The following ITPRID1 variants were observed in gnomAD, a reference collection of about 807,000 sequenced individuals.
ITPRID1 encodes ITPR interacting domain containing 1.
A neutral mutation model predicts 95.4 loss-of-function variants in ITPRID1; 96 were observed. The observed-to-expected ratio is 1.01, with a 90% CI of 0.85 to 1.19. The LOEUF (loss-of-function observed/expected upper bound fraction) is 1.19, where lower values mean the gene tolerates loss of function less well. ITPRID1 is among the 50% of genes most tolerant of loss of function. The probability of loss-of-function intolerance (pLI) is 0.00; values close to 1 mark genes in which losing one functional copy is unlikely to be tolerated. For synonymous variants in ITPRID1, 510 were observed against 453.6 expected (o/e 1.12, Z -1.58); for missense variants, 1,339 against 1,252.9 (o/e 1.07, Z -1.04).
Position 31,651,269 on chromosome 7 carries a change from G to C in ITPRID1, c.2711G>C (p.Arg904Thr). The C allele has an allele frequency of 6.2e-7, 1 of 1,612,726 alleles. No individual in the cohort carries two copies. Among genetic ancestry groups the C allele is most frequent in the Middle Eastern group, 1.7e-4 (1 of 6,036 alleles). The part of the protein sequence containing the change: ...LFSRDMSEEE[R>T]EEAEQLQTLR... ...TCCAGGGACATGTCAGAGGAGGAAA[G>C]GTAATTACCTAAGGGAGCCATAAAA... The change falls in exon 13 of 15, where the codon AGG (arginine) becomes ACG (threonine). Residue 904 changes from arginine (R) to threonine (T), a missense_variant and splice_region_variant. By Grantham distance (71) the Arg-to-Thr change is moderately conservative. Coordinates refer to ENST00000615280, the MANE Select transcript of ITPRID1 (RefSeq NM_001257967.3).
chr7:31,612,631 T>A (rs1210583450), intron 10 of ITPRID1, among the ~76,000 whole-genome samples: 4 of 152,180 alleles, frequency 2.6e-5, no homozygotes, highest in East Asian at 1.9e-4. Context: ...GAGATTTTTT[T>A]AAGTGACTTG....
chr7:31,545,636 C>T (rs1275421456), intron 1 of ITPRID1, among the ~76,000 whole-genome samples: 1 of 152,092 alleles, frequency 6.6e-6, no homozygotes, highest in Non-Finnish European at 1.5e-5. Flanking sequence ...TCCAGGAAGA[C>T]TGATTTTGGG....
intron 5 of ITPRID1, among the ~76,000 whole-genome samples, chr7:31,569,144 G>T (rs1358233866): frequency 6.6e-6 from 1 of 152,158 alleles, no homozygotes; most frequent in African/African-American, 2.4e-5. Context: ...ATGACTATGG[G>T]CTCATTACTA....
chr7:31,533,348 G>A (rs1783661983), intron 1 of ITPRID1, among the ~76,000 whole-genome samples: 1 of 151,796 alleles, frequency 6.6e-6, no homozygotes, highest in African/African-American at 2.4e-5. Context: ...AATCTGCTGT[G>A]GTATCTTCCT....
chr7:31,519,620 C>CCATA (rs1554279824), intron 1 of ITPRID1, among the ~76,000 whole-genome samples: 3 of 25,254 alleles, frequency 1.2e-4, no homozygotes, highest in Non-Finnish European at 1.5e-4. Flanking sequence ...CTCTCTCTCT[C>CCATA]TATATATATA....
rs114458519 is a variant in ITPRID1, at chr7:31,528,703, C to T, written c.-98+14583C>T. Among the ~76,000 whole-genome samples, 854 of 152,210 alleles carry T rather than the reference C, an allele frequency of 5.6e-3. 13 individuals carry two copies. Among genetic ancestry groups the T allele is most frequent in the African/African-American group, 0.02 (815 of 41,528 alleles). On this transcript the variant is annotated intron_variant, in intron 1 of 14. Coordinates refer to ENST00000615280, the MANE Select transcript of ITPRID1 (RefSeq NM_001257967.3). ...CTTGGAGCCCAGCAGAGAAACTTCA[C>T]GAGCTGTCATAGAGGAAGAGGAAAG...
chr7:31,597,979 A>G (rs967305621), intron 10 of ITPRID1, among the ~76,000 whole-genome samples: 2 of 152,242 alleles, frequency 1.3e-5, no homozygotes, highest in Admixed American at 6.5e-5. Flanking sequence ...ATATAAAGCA[A>G]TAAGTTAGAC....
intron 12 of ITPRID1, among the ~76,000 whole-genome samples, chr7:31,646,716 AG>A (rs1790498606): frequency 6.6e-6 from 1 of 152,110 alleles, no homozygotes; most frequent in Admixed American, 6.6e-5. Flanking sequence ...TGCAGAAAAC[AG>A]GGAGGTTTTG....
At chr7:31,636,542 T>C (rs1448777646) in intron 10 of ITPRID1, among the ~76,000 whole-genome samples, 2 of 152,136 alleles carry the variant, frequency 1.3e-5, no homozygotes, top group Non-Finnish European at 2.9e-5. Flanking sequence ...GTCCATCTTT[T>C]ACCAAGGCTC....
chr7:31,584,266 G>A (rs929630538), intron 10 of ITPRID1, among the ~76,000 whole-genome samples: 4 of 152,198 alleles, frequency 2.6e-5, no homozygotes, highest in Non-Finnish European at 4.4e-5. Context: ...ATTACAAAGT[G>A]TATGTATGGG....
chr7:31,530,467 G>A (rs1053062807), intron 1 of ITPRID1, among the ~76,000 whole-genome samples: 4 of 152,270 alleles, frequency 2.6e-5, no homozygotes, highest in Admixed American at 1.3e-4. Context: ...GATCAATAGC[G>A]TATCTGGGGG....
chr7:31,532,582 C>G (rs1290517067), intron 1 of ITPRID1, among the ~76,000 whole-genome samples: 1 of 152,162 alleles, frequency 6.6e-6, no homozygotes, highest in Non-Finnish European at 1.5e-5. Flanking sequence ...TGTCAAATTC[C>G]TTTTCTGCAT....
In ITPRID1 at chr7:31,643,553, C is replaced by A. The variant is rs1167628082; in HGVS notation, c.2183C>A (p.Thr728Asn). Residue 728 changes from threonine (T) to asparagine (N), a missense_variant, in exon 12 of 15, where the codon ACT becomes AAT. Transcript: ENST00000615280. ...SAAQRAVALGTGPRGTSLECT... is the reference protein window; with the variant it reads ...SAAQRAVALGNGPRGTSLECT... ...GCTCAGAGGGCTGTGGCCTTGGGGA[C>A]TGGTCCCAGAGGAACATCTTTAGAA... 3 of 1,613,920 alleles carry A rather than the reference C, an allele frequency of 1.9e-6. No individual in the cohort carries two copies. The highest frequency in any genetic ancestry group is 1.7e-5 in the Admixed American group (1 of 60,006).
At chr7:31,515,750 T>C (rs1299400865) in intron 1 of ITPRID1, among the ~76,000 whole-genome samples, 1 of 152,176 alleles carries the variant, frequency 6.6e-6, no homozygotes, top group Non-Finnish European at 1.5e-5. Flanking sequence ...TTATACACAT[T>C]GTATTGTTTA....
At chr7:31,607,814 ATTTC>A (rs1449533061) in intron 10 of ITPRID1, among the ~76,000 whole-genome samples, 1 of 151,126 alleles carries the variant, frequency 6.6e-6, no homozygotes. Context: ...CTGTTTCTTC[ATTTC>A]TTTATTTTTT....
At position 31,652,835 on chromosome 7, in the gene ITPRID1, A is replaced by T; in HGVS notation, c.*6A>T. The T allele has an allele frequency of 6.2e-7, 1 of 1,606,424 alleles. No individual in the cohort carries two copies. The highest frequency in any genetic ancestry group is 1.1e-5 in the South Asian group (1 of 90,968). The stretch of plus-strand genomic sequence containing the variant: ...ATGCAGATGTCTTCCTCTAGATCAG[A>T]GCAGGTTTGTTAACCTTCATACAAA... On this transcript the variant is annotated 3_prime_UTR_variant, in exon 15 of 15. Coordinates refer to ENST00000615280, the MANE Select transcript of ITPRID1 (RefSeq NM_001257967.3).
At position 31,578,120 on chromosome 7, in the gene ITPRID1, C is replaced by A. The variant is rs578045795; in HGVS notation, c.856C>A (p.Pro286Thr). The A allele has an allele frequency of 1.2e-5, 20 of 1,613,592 alleles. No individual in the cohort carries two copies. The highest frequency in any genetic ancestry group is 6.6e-5 in the South Asian group (6 of 91,004). Residue 286 changes from proline to threonine, a missense_variant, in exon 9 of 15, where the codon CCC becomes ACC. Coordinates refer to ENST00000615280, the MANE Select transcript of ITPRID1 (RefSeq NM_001257967.3). ...SFKVKDEVFV[P>T]FTKPWDCGAE... is the part of the protein sequence containing the mutation. ...CAAGGTGAAGGATGAAGTTTTTGTT[C>A]CCTTTACAAAACCATGGGATTGTGG... is the stretch of plus-strand genomic sequence containing the variant.
intron 10 of ITPRID1, among the ~76,000 whole-genome samples, chr7:31,624,644 C>T (rs1317124291): frequency 3.9e-4 from 58 of 149,080 alleles, no homozygotes; most frequent in African/African-American, 9.4e-4. Context: ...AAGACTTAAA[C>T]GTTAGACCTA....
At chr7:31,614,762 G>C (rs191095874) in intron 10 of ITPRID1, among the ~76,000 whole-genome samples, 1 of 152,178 alleles carries the variant, frequency 6.6e-6, no homozygotes, top group South Asian at 2.1e-4. Flanking sequence ...TCTGAGGAGA[G>C]AGCATTGAAC....
Sources: allele counts gnomAD v4.1 joint callset (sites outside exome capture counted in the v4.1 genomes callset), GRCh38; gene constraint gnomAD v4.1.1; transcripts MANE v1.5; gene names NCBI Gene and HGNC (gene_info 2026-07-23, HGNC 2026-07-21).